CSMD1: variants seen among roughly 807,000 people sequenced by gnomAD.
CSMD1 encodes CUB and Sushi multiple domains 1.
Under a neutral mutation model 417.5 loss-of-function variants are expected in CSMD1, and 213 were observed. The observed-to-expected ratio is 0.51, with a 90% CI of 0.46 to 0.57. The LOEUF (loss-of-function observed/expected upper bound fraction) is 0.57, where lower values mean the gene tolerates loss of function less well. Among genes scored for constraint, CSMD1 ranks in the 20% least tolerant of loss-of-function variants. CSMD1 has a pLI of 0.00. For synonymous variants in CSMD1, 2,862 were observed against 1,736.8 expected (o/e 1.65, Z -16.11); for missense variants, 6,923 against 4,529.7 (o/e 1.53, Z -15.17).
chr8:3,637,527 G>A (rs921652968), intron 7 of CSMD1, among the ~76,000 whole-genome samples: 1 of 152,098 alleles, frequency 6.6e-6, no homozygotes, highest in African/African-American at 2.4e-5. Context: ...TACCTGACAA[G>A]AAGTATACAA....
chr8:3,875,374 G>A (rs907591482), intron 5 of CSMD1, among the ~76,000 whole-genome samples: 2 of 152,180 alleles, frequency 1.3e-5, no homozygotes, highest in Non-Finnish European at 2.9e-5. Flanking sequence ...GTGACGTTTT[G>A]GCGACTTCTG....
chr8:3,916,342 A>T (rs566782376), intron 5 of CSMD1, among the ~76,000 whole-genome samples: 248 of 152,274 alleles, frequency 1.6e-3, no homozygotes, highest in African/African-American at 5.6e-3. Context: ...TAGCATGAAT[A>T]TTGTCAGCGA....
At chr8:3,249,348 G>C (rs928128775) in intron 26 of CSMD1, among the ~76,000 whole-genome samples, 1 of 152,026 alleles carries the variant, frequency 6.6e-6, no homozygotes, top group Non-Finnish European at 1.5e-5. Flanking sequence ...TCAGCCACCC[G>C]AGGAGCTGCG....
At chr8:4,502,931 G>C (rs1802331303) in intron 2 of CSMD1, among the ~76,000 whole-genome samples, 2 of 151,998 alleles carry the variant, frequency 1.3e-5, no homozygotes, top group South Asian at 2.1e-4. Flanking sequence ...TTATATGTCT[G>C]TTTGGTCTCT....
intron 37 of CSMD1, among the ~76,000 whole-genome samples, chr8:3,173,658 G>T (rs746411773): frequency 1.3e-5 from 2 of 152,118 alleles, no homozygotes; most frequent in Non-Finnish European, 2.9e-5. Context: ...TCTGTTGGAG[G>T]TAGTAAGCTC....
At position 3,380,660 on chromosome 8, in the gene CSMD1, G is replaced by C. The variant is rs149104267; in HGVS notation, c.2782+6834C>G. ...AGGAATACAAAACCAAACACCACAT[G>C]TTCTCACTCATAAGAGGGAGCTGAA... On this transcript the variant is annotated intron_variant, in intron 18 of 69. Transcript: ENST00000635120. Among the ~76,000 whole-genome samples the C allele has an allele frequency of 5.6e-3, 845 of 152,228 alleles. 8 individuals carry two copies. The highest frequency in any genetic ancestry group is 0.019 in the African/African-American group (807 of 41,528).
chr8:3,953,470 C>G (rs914308230), intron 5 of CSMD1, among the ~76,000 whole-genome samples: 1 of 152,134 alleles, frequency 6.6e-6, no homozygotes, highest in Non-Finnish European at 1.5e-5. Context: ...TAAACACACA[C>G]AGAGAGAGGT....
intron 7 of CSMD1, among the ~76,000 whole-genome samples, chr8:3,661,988 G>A (rs1392179168): frequency 6.6e-6 from 1 of 152,174 alleles, no homozygotes; most frequent in Non-Finnish European, 1.5e-5. Flanking sequence ...CGGGAGAGAG[G>A]AGCTACGCAG....
chr8:3,956,928 A>G (rs529401597), intron 5 of CSMD1, among the ~76,000 whole-genome samples: 4 of 152,304 alleles, frequency 2.6e-5, no homozygotes, highest in African/African-American at 4.8e-5. Flanking sequence ...GGCTATTTTC[A>G]TATCTAAAAA....
chr8:4,792,063 C>A (rs1797722282), intron 1 of CSMD1, among the ~76,000 whole-genome samples: 1 of 152,046 alleles, frequency 6.6e-6, no homozygotes. Context: ...AGATTCACTG[C>A]CTGGTTTTAA....
rs139372381 is a variant in CSMD1 at position 4,589,981 on chromosome 8, A to C, written c.302+47361T>G. On this transcript the variant is annotated intron_variant, in intron 2 of 69. Coordinates refer to ENST00000635120, the MANE Select transcript of CSMD1 (RefSeq NM_033225.6). ...AGGTTACTAGGCTAAGCAAGTGCTT[A>C]AGATACTGTCTGTTCTAAAAGTCAA... 6.6e-5 allele frequency among the ~76,000 whole-genome samples: 10 copies of C among 152,344 alleles called. No homozygotes were observed. The East Asian group carries it at 1.4e-3, about 21-fold the overall frequency.
intron 3 of CSMD1, among the ~76,000 whole-genome samples, chr8:4,132,745 A>T (rs926588985): frequency 2.0e-5 from 3 of 152,178 alleles, no homozygotes; most frequent in Non-Finnish European, 2.9e-5. Flanking sequence ...TGTTGCAGAG[A>T]TAGTGTTGAT....
rs561935811 is a variant in CSMD1 at position 3,315,073 on chromosome 8, A to ACTAT, written c.3632-6574_3632-6571dup. 8.9e-4 allele frequency among the ~76,000 whole-genome samples: 135 copies of ACTAT among 152,312 alleles called. 1 individual carries two copies. The South Asian group carries it at 0.024, about 27-fold the overall frequency. ...AAGCTTGAAGTATTTACAAAAACAT[A>ACTAT]CTATCTATCTGTTAATTTTACCTAA... On this transcript the variant is annotated intron_variant, in intron 23 of 69. Transcript: ENST00000635120.
At chr8:4,853,268 A>T (rs374577699) in intron 1 of CSMD1, among the ~76,000 whole-genome samples, 2 of 152,184 alleles carry the variant, frequency 1.3e-5, no homozygotes, top group East Asian at 3.9e-4. Context: ...TGACAGGCCC[A>T]GAGGTCTACA....
At chr8:3,668,519 T>C (rs1275355819) in intron 7 of CSMD1, among the ~76,000 whole-genome samples, 2 of 152,198 alleles carry the variant, frequency 1.3e-5, no homozygotes, top group East Asian at 1.9e-4. Context: ...TGACTGGGCA[T>C]TGTACACCTT....
intron 30 of CSMD1, among the ~76,000 whole-genome samples, chr8:3,212,643 T>C (rs1797679965): frequency 6.6e-6 from 1 of 151,494 alleles, no homozygotes; most frequent in Non-Finnish European, 1.5e-5. Context: ...TGTGAGCCAC[T>C]ACACCTGGCC....
At chr8:3,471,372 T>G (rs1340934667) in intron 11 of CSMD1, among the ~76,000 whole-genome samples, 2 of 152,172 alleles carry the variant, frequency 1.3e-5, no homozygotes, top group Non-Finnish European at 2.9e-5. Context: ...AAATTAGCAG[T>G]TTTGATTTAA....
intron 25 of CSMD1, among the ~76,000 whole-genome samples, chr8:3,294,509 G>A (rs1025200463): frequency 6.6e-6 from 1 of 152,136 alleles, no homozygotes; most frequent in Admixed American, 6.5e-5. Context: ...AGTCATTCAA[G>A]CCTTGGCAAT....
intron 3 of CSMD1, among the ~76,000 whole-genome samples, chr8:4,300,704 T>G (rs1471964396): frequency 6.6e-6 from 1 of 152,084 alleles, no homozygotes; most frequent in East Asian, 1.9e-4. Context: ...CCCACAACAG[T>G]CCCCGGAGTG....
Sources: gnomAD v4.1 joint callset for allele counts (sites outside exome capture counted in the v4.1 genomes callset) on GRCh38, gnomAD v4.1.1 for gene constraint, MANE v1.5 for transcripts, NCBI Gene and HGNC (gene_info 2026-07-23, HGNC 2026-07-21) for gene names.